PPP1R21: variants seen among roughly 807,000 people sequenced by gnomAD.
The protein encoded by PPP1R21 is protein phosphatase 1 regulatory subunit 21.
A neutral mutation model predicts 112.8 loss-of-function variants in PPP1R21; 85 were observed. That is an observed-to-expected ratio of 0.75 (90% CI 0.63 to 0.90). The LOEUF is 0.90. PPP1R21 is among the 40% of genes least tolerant of loss of function. PPP1R21 has a pLI of 0.00. For missense variants in PPP1R21, 1,199 were observed against 901.5 expected, an observed-to-expected ratio of 1.33 and a Z score of -4.23; for synonymous variants, 381 against 322.3, an observed-to-expected ratio of 1.18 and a Z score of -1.95.
chr2:48,448,252 TAA>T (rs1217706692), intron 1 of PPP1R21, among the ~76,000 whole-genome samples: 1 of 152,210 alleles, frequency 6.6e-6, no homozygotes. Flanking sequence ...ACCAGTTTAG[TAA>T]AAAATATTTT....
At chr2:48,468,023 A>G (rs1668280853) in intron 9 of PPP1R21, among the ~76,000 whole-genome samples, 1 of 152,198 alleles carries the variant, frequency 6.6e-6, no homozygotes, top group Non-Finnish European at 1.5e-5. Flanking sequence ...TGGGTCCCCT[A>G]CGTGCCTATT....
At chr2:48,488,368 CTT>C (rs988826349) in intron 14 of PPP1R21, among the ~76,000 whole-genome samples, 12 of 141,556 alleles carry the variant, frequency 8.5e-5, no homozygotes, top group Admixed American at 2.9e-4. Context: ...TATTTGCCAA[CTT>C]TTTTTTTTTT....
intron 3 of PPP1R21, among the ~76,000 whole-genome samples, chr2:48,456,677 A>C (rs1390748256): frequency 1.3e-5 from 2 of 152,186 alleles, no homozygotes; most frequent in African/African-American, 4.8e-5. Context: ...AGCATTCCCG[A>C]GAGTGTTAGT....
intron 21 of PPP1R21, among the ~76,000 whole-genome samples, chr2:48,512,654 T>G (rs1670694533): frequency 6.6e-6 from 1 of 152,244 alleles, no homozygotes; most frequent in Admixed American, 6.5e-5. Context: ...ATGATTTTGT[T>G]TATCAACATA....
intron 17 of PPP1R21, among the ~76,000 whole-genome samples, chr2:48,505,003 A>T (rs1215027648): frequency 1.3e-5 from 2 of 152,198 alleles, no homozygotes; most frequent in South Asian, 2.1e-4. Flanking sequence ...CTAAAAAAAA[A>T]ATTAGAAAGA....
chr2:48,443,872 A>T (rs1022449576), intron 1 of PPP1R21, among the ~76,000 whole-genome samples: 1 of 152,198 alleles, frequency 6.6e-6, no homozygotes, highest in African/African-American at 2.4e-5. Flanking sequence ...TAGGATACAA[A>T]GGAAAAAGGT....
At chr2:48,469,498 T>TAG (rs1448726983) in intron 9 of PPP1R21, among the ~76,000 whole-genome samples, 1 of 49,412 alleles carries the variant, frequency 2.0e-5, no homozygotes, top group East Asian at 2.9e-4. Flanking sequence ...CATATATATA[T>TAG]ATATATAGAG....
chr2:48,445,822 T>C (rs1667221539), intron 1 of PPP1R21, among the ~76,000 whole-genome samples: 1 of 152,228 alleles, frequency 6.6e-6, no homozygotes, highest in Non-Finnish European at 1.5e-5. Context: ...GCACATACTT[T>C]ATCCCTGTCC....
At chr2:48,449,340 A>G (rs1217115991) in intron 1 of PPP1R21, among the ~76,000 whole-genome samples, 1 of 152,194 alleles carries the variant, frequency 6.6e-6, no homozygotes, top group Non-Finnish European at 1.5e-5. Flanking sequence ...AAATGAATTT[A>G]CCCATTCTAT....
In PPP1R21 at chr2:48,465,605, A is replaced by T; in HGVS notation, c.860A>T (p.Asp287Val). ...TEQRIQIFPV[D>V]SAIDTISPLN... ...CAGAGGATTCAAATTTTTCCTGTTG[A>T]TTCTGCCATTGACACTATATCTCCA... Residue 287 changes from aspartate to valine, a missense_variant, in exon 9 of 22, where the codon GAT becomes GTT. Transcript: ENST00000294952. 1 of 1,613,788 alleles carries T rather than the reference A, an allele frequency of 6.2e-7. No individual in the cohort carries two copies. The highest frequency in any genetic ancestry group is 1.3e-5 in the African/African-American group (1 of 75,044).
intron 11 of PPP1R21, among the ~76,000 whole-genome samples, chr2:48,472,068 C>T (rs140540106): frequency 0.043 from 6,481 of 150,618 alleles, 233 homozygotes; most frequent in African/African-American, 0.094. Flanking sequence ...GGTGAAACCC[C>T]GCCTCTTCTA....
At chr2:48,453,385 G>C (rs557258161) in intron 2 of PPP1R21, among the ~76,000 whole-genome samples, 1 of 151,910 alleles carries the variant, frequency 6.6e-6, no homozygotes, top group East Asian at 1.9e-4. Context: ...TAGAGATGAC[G>C]TCTCACTATG....
At chr2:48,473,598 T>C (rs887907015) in intron 11 of PPP1R21, among the ~76,000 whole-genome samples, 1 of 152,236 alleles carries the variant, frequency 6.6e-6, no homozygotes, top group Non-Finnish European at 1.5e-5. Flanking sequence ...AATACCACTT[T>C]AATTGACAAG....
At chr2:48,501,410 C>T (rs976650289) in intron 17 of PPP1R21, among the ~76,000 whole-genome samples, 3 of 152,294 alleles carry the variant, frequency 2.0e-5, no homozygotes, top group African/African-American at 2.4e-5. Context: ...TTGTAGAAAT[C>T]GTGTGCCTGA....
At position 48,486,689 on chromosome 2, in the gene PPP1R21, A is replaced by G. The variant is rs748160335; in HGVS notation, c.1377A>G (p.Thr459=). Reference sequence around the variant, plus strand: ...TAGAGCATGAACTTCCAACAGCAACACAGAAGCTGATAACAACTAATGACT... The same window carrying G: ...TAGAGCATGAACTTCCAACAGCAACGCAGAAGCTGATAACAACTAATGACT... ...AAIEHELPTA[T]QKLITTNDCI... The change falls in exon 14 of 22, where the codon ACA becomes ACG. Residue 459 remains threonine (T), a synonymous_variant. Coordinates refer to ENST00000294952, the MANE Select transcript of PPP1R21 (RefSeq NM_001135629.3). 9 of 1,613,918 alleles carry G rather than the reference A, an allele frequency of 5.6e-6. No homozygotes were observed. The highest frequency in any genetic ancestry group is 2.2e-5 in the South Asian group (2 of 91,078).
At chr2:48,459,637 A>G in intron 4 of PPP1R21, 117 bp from the exon 5 acceptor site, 1 of 1,116,084 alleles carries the variant, frequency 9.0e-7, no homozygotes, top group Non-Finnish European at 1.3e-6. Context: ...TGTGGGTTTA[A>G]CATAGTCAGC....
Position 48,440,818 on chromosome 2 carries a change from G to GGCA in PPP1R21, c.-134_-133insAGC. The GGCA allele has an allele frequency of 1.6e-6, 1 of 643,558 alleles. No individual in the cohort carries two copies. Among genetic ancestry groups the GGCA allele is most frequent in the Admixed American group, 2.8e-5 (1 of 36,002 alleles). The allele number at this position is 643,558 out of a possible 1,614,324, so 39.9% of individuals were successfully genotyped here. On this transcript the variant is annotated 5_prime_UTR_variant, in exon 1 of 22. Coordinates refer to ENST00000294952, the MANE Select transcript of PPP1R21 (RefSeq NM_001135629.3). ...CCGGAAGTGGAGGAGGAGGCGCGGC[G>GGCA]GCGGCGGCGGCGGCGGCTGCGGTGG... is the stretch of plus-strand genomic sequence containing the variant.
chr2:48,466,843 A>G (rs187802222), intron 9 of PPP1R21, among the ~76,000 whole-genome samples: 2 of 152,268 alleles, frequency 1.3e-5, no homozygotes, highest in Admixed American at 1.3e-4. Flanking sequence ...TGAAGTCCTC[A>G]GAAGGGGAGG....
intron 17 of PPP1R21, among the ~76,000 whole-genome samples, chr2:48,504,228 A>G (rs1210709878): frequency 6.6e-6 from 1 of 152,196 alleles, no homozygotes; most frequent in Non-Finnish European, 1.5e-5. Context: ...TTCTATTTTA[A>G]AAGTTCTTAT....
Sources: gnomAD v4.1 joint callset for allele counts (sites outside exome capture counted in the v4.1 genomes callset) on GRCh38, gnomAD v4.1.1 for gene constraint, MANE v1.5 for transcripts, NCBI Gene and HGNC (gene_info 2026-07-23, HGNC 2026-07-21) for gene names.